CTNS: variants seen among roughly 807,000 people sequenced by gnomAD.
The protein encoded by CTNS is cystinosin, lysosomal cystine transporter, also known as cystinosin.
CTNS carries 27 observed loss-of-function variants against 43.7 expected under a neutral mutation model. That is an observed-to-expected ratio of 0.62 (90% confidence interval 0.46 to 0.85). The LOEUF (loss-of-function observed/expected upper bound fraction) is 0.85, where lower values mean the gene tolerates loss of function less well. Ranked by LOEUF, CTNS falls within the 40% of genes least tolerant of loss-of-function variation. The pLI, the probability that CTNS is intolerant of heterozygous loss-of-function variation, is 0.00. For synonymous variants in CTNS, 187 were observed against 190.6 expected (o/e 0.98, Z 0.16); for missense variants, 457 against 475.4 (o/e 0.96, Z 0.36).
chr17:3,660,040 G>A lies in CTNS; in HGVS notation c.970+65G>A, dbSNP rs372637728. Reference sequence around the variant, plus strand: ...GGCATCGGGCGGGGCCAGCCTTCCCGGGACCTTCCAGCCAGGGCTCCACCC... The same window carrying A: ...GGCATCGGGCGGGGCCAGCCTTCCCAGGACCTTCCAGCCAGGGCTCCACCC... On this transcript the variant is annotated intron_variant, in intron 11 of 11. Coordinates refer to ENST00000046640, the MANE Select transcript of CTNS (RefSeq NM_004937.3). 1.4e-3 allele frequency: 2,084 copies of A among 1,509,602 alleles called. 36 individuals are homozygous for A. The South Asian group carries it at 0.022, about 16-fold the overall frequency. 93.5% of individuals were successfully genotyped at this position (1,509,602 alleles called of 1,614,324 possible). A position where few individuals can be genotyped will look rare whatever the true frequency, so the allele number is the denominator to read the frequency against.
At chr17:3,640,026 T>G in intron 2 of CTNS, 162 bp from the exon 3 acceptor site, 1 of 659,748 alleles carries the variant, frequency 1.5e-6, no homozygotes, top group Non-Finnish European at 2.8e-6. Context: ...ATAAGTCCTC[T>G]CTAGGGTGTC....
At chr17:3,657,513 G>A (rs1476816393) in intron 9 of CTNS, 1 of 222,338 alleles carries the variant, frequency 4.5e-6, no homozygotes, top group African/African-American at 2.3e-5. Context: ...AGCTTTTGGT[G>A]TGAAGCGAGA....
At chr17:3,650,994 G>C (rs1046563987) in intron 5 of CTNS, among the ~76,000 whole-genome samples, 9 of 151,902 alleles carry the variant, frequency 5.9e-5, no homozygotes, top group African/African-American at 9.7e-5. Context: ...GTAGAGATGG[G>C]GTTTCACCAT....
Position 3,649,955 on chromosome 17 carries a change from T to C in CTNS, c.225+1024T>C, listed in dbSNP as rs2075938975. Among the ~76,000 whole-genome samples, 4 of 152,152 alleles carry C rather than the reference T, an allele frequency of 2.6e-5. No homozygotes were observed. In the South Asian group the frequency reaches 8.3e-4, roughly 32 times the overall value. On this transcript the variant is annotated intron_variant, in intron 5 of 11. Coordinates refer to ENST00000046640, the MANE Select transcript of CTNS (RefSeq NM_004937.3). ...TGCATGCCTAAAAACTGCTAAGAGA[T>C]AGATCCTAAATGTTCCCACCACAGC...
chr17:3,641,494 C>T (rs1372846738), intron 3 of CTNS, among the ~76,000 whole-genome samples: 1 of 142,946 alleles, frequency 7.0e-6, no homozygotes, highest in Non-Finnish European at 1.5e-5. Flanking sequence ...CGGGTTCAAG[C>T]AATTCTCCTG....
In CTNS at chr17:3,657,958, C is replaced by T. The variant is rs370240008; in HGVS notation, c.682-47C>T. On this transcript the variant is annotated intron_variant, in intron 9 of 11. Transcript: ENST00000046640. ...CGGGGCCGTCCTTGCTCAGCCCCGG[C>T]GTGGCCTCTGTGTGGGTCCACATCT... 7.5e-6 allele frequency: 12 copies of T among 1,599,192 alleles called. 1 individual carries two copies. The highest frequency in any genetic ancestry group is 6.7e-5 in the African/African-American group (5 of 74,948).
chr17:3,657,827 T>C (rs2076189720), intron 9 of CTNS, 178 bp from the exon 10 acceptor site: 1 of 654,480 alleles, frequency 1.5e-6, no homozygotes. Context: ...ATGCTTTCTG[T>C]GGTCCACATG....
Position 3,655,106 on chromosome 17 carries a change from G to A in CTNS, c.329+5G>A, listed in dbSNP as rs2076095185. 6.2e-7 allele frequency: 1 copy of A among 1,613,804 alleles called. No individual in the cohort carries two copies. The highest frequency in any genetic ancestry group is 1.3e-5 in the African/African-American group (1 of 74,928). ...AAATCACTCCAATCAGACCGGGTAG[G>A]CTGGCCTCAGGGTGTGCGGGCCTCA... On this transcript the variant is annotated splice_donor_5th_base_variant and intron_variant, in intron 6 of 11. Coordinates refer to ENST00000046640, the MANE Select transcript of CTNS (RefSeq NM_004937.3).
rs116125881 is a variant in CTNS, at chr17:3,649,718, C to A, written c.225+787C>A. 5.3e-3 allele frequency among the ~76,000 whole-genome samples: 800 copies of A among 152,166 alleles called. 4 individuals carry two copies. Among genetic ancestry groups the A allele is most frequent in the African/African-American group, 0.018 (748 of 41,530 alleles). The stretch of plus-strand genomic sequence containing the variant: ...CCGTGTGATCTAATAGCGATCATTA[C>A]CCATAGCTTTATGCATGTATCTATT... On this transcript the variant is annotated intron_variant, in intron 5 of 11. Transcript: ENST00000046640.
chr17:3,648,968 C>T (rs748565004), intron 5 of CTNS, 37 bp downstream of exon 5: 24 of 1,501,502 alleles, frequency 1.6e-5, no homozygotes, highest in African/African-American at 4.1e-5. Context: ...TAGGGAAATG[C>T]TAGGTAACAG....
At chr17:3,648,808 C>T (rs371521600) in intron 4 of CTNS, 39 bp from the exon 5 acceptor site, 2 of 1,511,992 alleles carry the variant, frequency 1.3e-6, no homozygotes, top group African/African-American at 2.7e-5. Context: ...ATCTCACTGT[C>T]CAGCTTCTCA....
chr17:3,648,015 T>G (rs1038677699), intron 4 of CTNS, among the ~76,000 whole-genome samples: 3 of 152,194 alleles, frequency 2.0e-5, no homozygotes, highest in Admixed American at 6.5e-5. Flanking sequence ...GGCACAAACG[T>G]CGCGACCTAG....
Position 3,653,791 on chromosome 17 carries a change from G to A in CTNS, c.226-1207G>A, listed in dbSNP as rs929940248. On this transcript the variant is annotated intron_variant, in intron 5 of 11. Transcript: ENST00000046640. ...CTCGGGAGGCTGAGGCGGGAGAATC[G>A]CTTGAACCCAGGAGGAGGAGTTTGC... 3.9e-5 allele frequency among the ~76,000 whole-genome samples: 6 copies of A among 152,114 alleles called. No homozygotes were observed. In the East Asian group the frequency reaches 5.8e-4, roughly 15 times the overall value.
At chr17:3,655,528 G>C in intron 7 of CTNS, 176 bp downstream of exon 7, 1 of 913,582 alleles carries the variant, frequency 1.1e-6, no homozygotes, top group Non-Finnish European at 1.7e-6. Context: ...TTCCCGTGCT[G>C]GGCGTTTCAT....
At chr17:3,640,044 G>C (rs1278381869) in intron 2 of CTNS, 144 bp from the exon 3 acceptor site, 1 of 722,736 alleles carries the variant, frequency 1.4e-6, no homozygotes, top group African/African-American at 1.8e-5. Context: ...GTCCCTCTGA[G>C]GCCGTGATGC....
rs768393290 is a variant in CTNS at position 3,660,717 on chromosome 17, A to G, written c.*348A>G. On this transcript the variant is annotated 3_prime_UTR_variant, in exon 12 of 12. Coordinates refer to ENST00000046640, the MANE Select transcript of CTNS (RefSeq NM_004937.3). Reference sequence around the variant, plus strand: ...GCCCCAAACTACCAGCGTTTCTGCAAGCAGCTTGAAGGGCTGACCTTGCAG... The same window carrying G: ...GCCCCAAACTACCAGCGTTTCTGCAGGCAGCTTGAAGGGCTGACCTTGCAG... 4 of 1,613,552 alleles carry G rather than the reference A, an allele frequency of 2.5e-6. No individual in the cohort carries two copies. The highest frequency in any genetic ancestry group is 3.4e-6 in the Non-Finnish European group (4 of 1,180,030).
rs569726237 is a variant in CTNS, at chr17:3,657,085, G to C, written c.681+290G>C. Among the ~76,000 whole-genome samples, 74 of 151,358 alleles carry C rather than the reference G, an allele frequency of 4.9e-4. 1 individual carries two copies. In the South Asian group the frequency reaches 0.013, roughly 27 times the overall value. On this transcript the variant is annotated intron_variant, in intron 9 of 11. Transcript: ENST00000046640. ...AGGCCCTGAGCCCTGCCAGGGAGGA[G>C]GGAGGAGGGCACAGAAGGGAGGAGG...
chr17:3,652,693 G>C (rs1481679409), intron 5 of CTNS, among the ~76,000 whole-genome samples: 2 of 152,260 alleles, frequency 1.3e-5, no homozygotes, highest in South Asian at 2.1e-4. Flanking sequence ...TCAATCGACT[G>C]ATTTTCTCCC....
chr17:3,655,776 C>T (rs568426769), intron 7 of CTNS: 5 of 262,122 alleles, frequency 1.9e-5, no homozygotes, highest in East Asian at 1.9e-4. Context: ...CTGGCCACGT[C>T]GGCCTCCTGG....
Sources: gnomAD v4.1 joint callset for allele counts (sites outside exome capture counted in the v4.1 genomes callset) on GRCh38, gnomAD v4.1.1 for gene constraint, MANE v1.5 for transcripts, NCBI Gene and HGNC (gene_info 2026-07-23, HGNC 2026-07-21) for gene names.